ELFN1: variants seen among roughly 807,000 people sequenced by gnomAD.
The protein encoded by ELFN1 is protein ELFN1.
ELFN1 carries 6 observed loss-of-function variants against 7.6 expected under a neutral mutation model. That is an observed-to-expected ratio of 0.79 (90% CI 0.43 to 1.56). The LOEUF is 1.56. Ranked by LOEUF, ELFN1 falls within the 40% of genes most tolerant of loss-of-function variation. The probability of loss-of-function intolerance (pLI) is 0.01; values close to 1 mark genes in which losing one functional copy is unlikely to be tolerated. For synonymous variants in ELFN1, 657 were observed against 588.1 expected, an observed-to-expected ratio of 1.12 and a Z score of -1.70; for missense variants, 1,169 against 1,232.2, an observed-to-expected ratio of 0.95 and a Z score of 0.77.
chr7:1,747,136 C>G lies in ELFN1; in HGVS notation c.*53C>G. The G allele has an allele frequency of 1.4e-6, 2 of 1,422,006 alleles. No individual in the cohort carries two copies. The highest frequency in any genetic ancestry group is 1.8e-6 in the Non-Finnish European group (2 of 1,082,698). 88.1% of individuals were successfully genotyped at this position (1,422,006 alleles called of 1,614,324 possible). A position where few individuals can be genotyped will look rare whatever the true frequency, so the allele number is the denominator to read the frequency against. On this transcript the variant is annotated 3_prime_UTR_variant, in exon 4 of 4. Coordinates refer to ENST00000424383, the MANE Select transcript of ELFN1 (RefSeq NM_001128636.4). Reference sequence around the variant, plus strand: ...GACCAAAAAGGATGCAGGATCCACCCAGAGACTCAGCACCAAACCCAACAC... The same window carrying G: ...GACCAAAAAGGATGCAGGATCCACCGAGAGACTCAGCACCAAACCCAACAC...
At chr7:1,714,081 A>T (rs930187384) in intron 3 of ELFN1, among the ~76,000 whole-genome samples, 4 of 152,204 alleles carry the variant, frequency 2.6e-5, no homozygotes, top group Non-Finnish European at 5.9e-5. Flanking sequence ...GGCTGGAAGG[A>T]ACCTGGGACG....
intron 3 of ELFN1, among the ~76,000 whole-genome samples, chr7:1,732,993 T>C (rs144573564): frequency 0.013 from 2,020 of 152,234 alleles, 51 homozygotes; most frequent in African/African-American, 0.046. Context: ...CTCTGCCTCC[T>C]GGGTTCAAGC....
chr7:1,721,724 T>G (rs1780028079), intron 3 of ELFN1, among the ~76,000 whole-genome samples: 1 of 152,208 alleles, frequency 6.6e-6, no homozygotes, highest in Admixed American at 6.5e-5. Context: ...AGGGAGGGAC[T>G]GCACCCAAAA....
intron 3 of ELFN1, among the ~76,000 whole-genome samples, chr7:1,718,318 C>A (rs925437480): frequency 2.6e-5 from 4 of 152,120 alleles, no homozygotes; most frequent in Non-Finnish European, 5.9e-5. Flanking sequence ...AGAATAGGGA[C>A]CAACAAAAGG....
intron 1 of ELFN1, among the ~76,000 whole-genome samples, chr7:1,676,708 T>C (rs967466736): frequency 3.9e-5 from 6 of 152,076 alleles, no homozygotes; most frequent in African/African-American, 1.4e-4. Flanking sequence ...AGAGCAGGTG[T>C]AATGGCCCCG....
At chr7:1,669,717 G>C (rs1446815378), upstream of ELFN1, among the ~76,000 whole-genome samples, 1 of 152,216 alleles carries the variant, frequency 6.6e-6, no homozygotes, top group Non-Finnish European at 1.5e-5. Context: ...GAGGAGGCCC[G>C]GCCTGCGCCC....
At chr7:1,700,575 AT>A (rs1434170584) in intron 2 of ELFN1, among the ~76,000 whole-genome samples, 1 of 152,108 alleles carries the variant, frequency 6.6e-6, no homozygotes, top group Non-Finnish European at 1.5e-5. Flanking sequence ...CTAAGAGGGG[AT>A]CAAGGTCGGT....
chr7:1,724,405 T>G (rs1344816612), intron 3 of ELFN1, among the ~76,000 whole-genome samples: 1 of 152,192 alleles, frequency 6.6e-6, no homozygotes, highest in Non-Finnish European at 1.5e-5. Flanking sequence ...TTCCCTGAGG[T>G]GCCGTGCGGC....
rs1255254715 is a variant in ELFN1 at position 1,747,386 on chromosome 7, T to A, written c.*303T>A. On this transcript the variant is annotated 3_prime_UTR_variant, in exon 4 of 4. Coordinates refer to ENST00000424383, the MANE Select transcript of ELFN1 (RefSeq NM_001128636.4). ...AGGGATGGGGGGTGGGGGTGGGGATTTTTTTTTCATTATCTTTCCTCTTTT... is the reference window on the plus strand; with the variant it reads ...AGGGATGGGGGGTGGGGGTGGGGATATTTTTTTCATTATCTTTCCTCTTTT... 2 of 263,754 alleles carry A rather than the reference T, an allele frequency of 7.6e-6. No homozygotes were observed. Among genetic ancestry groups the A allele is most frequent in the African/African-American group, 4.5e-5 (2 of 44,628 alleles). 16.3% of individuals were successfully genotyped at this position (263,754 alleles called of 1,614,324 possible). A position where few individuals can be genotyped will look rare whatever the true frequency, so the allele number is the denominator to read the frequency against.
At chr7:1,716,849 G>A (rs573430862) in intron 3 of ELFN1, among the ~76,000 whole-genome samples, 2 of 152,210 alleles carry the variant, frequency 1.3e-5, no homozygotes. Context: ...CAGCCATGGA[G>A]GGGGAGGGGA....
intron 3 of ELFN1, among the ~76,000 whole-genome samples, chr7:1,718,714 C>T (rs1032746369): frequency 6.6e-6 from 1 of 152,106 alleles, no homozygotes; most frequent in Admixed American, 6.5e-5. Flanking sequence ...CTGAGGTCCT[C>T]GGTCACACTC....
In ELFN1 at chr7:1,743,306, G is replaced by A. The variant is rs572829222; in HGVS notation, c.-293-998G>A. ...CCAGTGGAGGCTGAGGAATAGAGCA[G>A]AGGACCCCGTATGGTGGTGGGGAGG... On this transcript the variant is annotated intron_variant, in intron 3 of 3. Transcript: ENST00000424383. Among the ~76,000 whole-genome samples, 9 of 152,346 alleles carry A rather than the reference G, an allele frequency of 5.9e-5. No individual in the cohort carries two copies. In the South Asian group the frequency reaches 1.9e-3, roughly 32 times the overall value.
At chr7:1,684,081 T>C in intron 1 of ELFN1, among the ~76,000 whole-genome samples, 1 of 152,060 alleles carries the variant, frequency 6.6e-6, no homozygotes, top group South Asian at 2.1e-4. Flanking sequence ...GTGTGGGAGG[T>C]TGAGGCTGCA....
chr7:1,707,660 A>G (rs1311142411), intron 2 of ELFN1, among the ~76,000 whole-genome samples: 1 of 152,260 alleles, frequency 6.6e-6, no homozygotes, highest in East Asian at 1.9e-4. Context: ...ACACAGGTTC[A>G]ACCTCATTAG....
At chr7:1,700,195 G>C (rs949727135) in intron 2 of ELFN1, among the ~76,000 whole-genome samples, 1 of 152,128 alleles carries the variant, frequency 6.6e-6, no homozygotes, top group Non-Finnish European at 1.5e-5. Context: ...ACTGTGAGCT[G>C]GAACAAGCCG....
Position 1,747,156 on chromosome 7 carries a change from C to A in ELFN1, c.*73C>A. 1 of 1,384,168 alleles carries A rather than the reference C, an allele frequency of 7.2e-7. No individual in the cohort carries two copies. Among genetic ancestry groups the A allele is most frequent in the Non-Finnish European group, 9.4e-7 (1 of 1,058,320 alleles). 85.7% of individuals were successfully genotyped at this position (1,384,168 alleles called of 1,614,324 possible). ...CCACCCAGAGACTCAGCACCAAACC[C>A]AACACACGCACGCCACCACAGCAAC... On this transcript the variant is annotated 3_prime_UTR_variant, in exon 4 of 4. Coordinates refer to ENST00000424383, the MANE Select transcript of ELFN1 (RefSeq NM_001128636.4).
Position 1,740,187 on chromosome 7 carries a change from G to T in ELFN1, c.-293-4117G>T, listed in dbSNP as rs77491472. Among the ~76,000 whole-genome samples the T allele has an allele frequency of 2.0e-4, 31 of 152,308 alleles. No individual in the cohort carries two copies. The East Asian group carries it at 6.0e-3, about 29-fold the overall frequency. ...GCCTCTGTGTCTCCCTGAGGCAGGA[G>T]GCCAGGCCCTGGGAGCAGGTGCAGA... On this transcript the variant is annotated intron_variant, in intron 3 of 3. Coordinates refer to ENST00000424383, the MANE Select transcript of ELFN1 (RefSeq NM_001128636.4). The surrounding 1 kb of genome is among the most constrained non-coding windows in gnomAD (Gnocchi z 5.0).
intron 3 of ELFN1, among the ~76,000 whole-genome samples, chr7:1,724,778 C>T (rs1361425775): frequency 4.6e-5 from 7 of 152,216 alleles, no homozygotes; most frequent in Admixed American, 3.9e-4. Flanking sequence ...CGCAGGTTCA[C>T]GGCCACCACT....
intron 1 of ELFN1, among the ~76,000 whole-genome samples, chr7:1,675,646 G>C (rs1286374037): frequency 6.6e-6 from 1 of 152,234 alleles, no homozygotes; most frequent in African/African-American, 2.4e-5. Context: ...TCTGGAAATG[G>C]GGGGGCCGTC....
Sources: allele counts gnomAD v4.1 joint callset (sites outside exome capture counted in the v4.1 genomes callset), GRCh38; gene constraint gnomAD v4.1.1; non-coding constraint Gnocchi (gnomAD v3.1); transcripts MANE v1.5; gene names NCBI Gene and HGNC (gene_info 2026-07-23, HGNC 2026-07-21).